Variants in ARMH3 observed in about 807,000 individuals in gnomAD.
The protein encoded by ARMH3 is armadillo-like helical domain-containing protein 3.
Under a neutral mutation model 99.1 loss-of-function variants are expected in ARMH3, and 60 were observed. The observed-to-expected ratio is 0.61, with a 90% CI of 0.49 to 0.75. ARMH3 has a LOEUF of 0.75. Among genes scored for constraint, ARMH3 ranks in the 30% least tolerant of loss-of-function variants. ARMH3 has a pLI of 0.00. For missense variants in ARMH3, 679 were observed against 843.1 expected (o/e 0.81, Z 2.41); for synonymous variants, 285 against 292.8 (o/e 0.97, Z 0.27).
Position 102,002,057 on chromosome 10 carries a change from T to G in ARMH3, c.1064A>C (p.Glu355Ala). The G allele has an allele frequency of 1.9e-6, 3 of 1,614,064 alleles. No individual in the cohort carries two copies. The highest frequency in any genetic ancestry group is 2.5e-6 in the Non-Finnish European group (3 of 1,180,004). ...PPSSDVISSV[E>A]LPLDADVQTS... Reference sequence around the variant, plus strand: ...CTGTACATCTGCATCCAGTGGGAGTTCCACAGAACTTATAACTGGAATAGA... The same window carrying G: ...CTGTACATCTGCATCCAGTGGGAGTGCCACAGAACTTATAACTGGAATAGA... Residue 355 changes from glutamate (E) to alanine (A), a missense_variant, in exon 15 of 26, where the codon GAA becomes GCA. Physicochemically the swap from Glu to Ala is moderately radical, Grantham distance 107. This residue lies in a region of ARMH3 where 389 missense variants were observed against 456.5 expected (regional missense o/e 0.85). Transcript: ENST00000370033.
intron 23 of ARMH3, among the ~76,000 whole-genome samples, chr10:101,903,338 T>C (rs538782527): frequency 6.6e-6 from 1 of 152,314 alleles, no homozygotes; most frequent in South Asian, 2.1e-4. Flanking sequence ...GTGCAGGCAC[T>C]ACGCTAGGCA....
chr10:101,973,371 A>G (rs1845855391), intron 20 of ARMH3, among the ~76,000 whole-genome samples: 1 of 151,998 alleles, frequency 6.6e-6, no homozygotes, highest in Non-Finnish European at 1.5e-5. Context: ...AAAAAAAAAA[A>G]AAAAAAAGAA....
chr10:101,983,666 A>G (rs956572111), intron 19 of ARMH3, among the ~76,000 whole-genome samples: 1 of 152,212 alleles, frequency 6.6e-6, no homozygotes, highest in Non-Finnish European at 1.5e-5. Context: ...AGGAAGGCGA[A>G]CAAGAATTCA....
intron 24 of ARMH3, among the ~76,000 whole-genome samples, chr10:101,866,921 C>T (rs1232753840): frequency 6.6e-6 from 1 of 151,940 alleles, no homozygotes; most frequent in Non-Finnish European, 1.5e-5. Context: ...CAAAAACAAA[C>T]AAACAAACAA....
chr10:101,853,393 G>A (rs929852861), intron 24 of ARMH3, among the ~76,000 whole-genome samples: 3 of 152,172 alleles, frequency 2.0e-5, no homozygotes, highest in African/African-American at 4.8e-5. Flanking sequence ...CCTGGCCTGG[G>A]ACTTTGCTTT....
intron 15 of ARMH3, among the ~76,000 whole-genome samples, chr10:101,997,854 T>C (rs899382191): frequency 6.6e-6 from 1 of 152,194 alleles, no homozygotes; most frequent in African/African-American, 2.4e-5. Context: ...AATATCCTCA[T>C]GGCGGTGGTG....
intron 24 of ARMH3, among the ~76,000 whole-genome samples, chr10:101,875,089 G>A (rs754508276): frequency 6.6e-6 from 1 of 152,176 alleles, no homozygotes; most frequent in Non-Finnish European, 1.5e-5. Context: ...GGAACATTAA[G>A]CCAGGGCAAC....
At chr10:101,853,677 G>C (rs1469967593) in intron 24 of ARMH3, among the ~76,000 whole-genome samples, 1 of 152,162 alleles carries the variant, frequency 6.6e-6, no homozygotes, top group African/African-American at 2.4e-5. Context: ...GGGCTTCCTA[G>C]AATCATGCCA....
At chr10:101,989,508 G>A (rs1357719757) in intron 19 of ARMH3, among the ~76,000 whole-genome samples, 1 of 152,112 alleles carries the variant, frequency 6.6e-6, no homozygotes, top group Non-Finnish European at 1.5e-5. Flanking sequence ...ATCACCTGAA[G>A]TCAGGAGTTA....
At chr10:101,880,078 T>C (rs1384659489) in intron 24 of ARMH3, among the ~76,000 whole-genome samples, 1 of 152,230 alleles carries the variant, frequency 6.6e-6, no homozygotes. Flanking sequence ...CCAGTGCCGG[T>C]GTCACATGCT....
chr10:102,000,858 G>T (rs945972861), intron 15 of ARMH3, among the ~76,000 whole-genome samples: 5 of 151,780 alleles, frequency 3.3e-5, no homozygotes, highest in African/African-American at 1.2e-4. Flanking sequence ...ACTCTGTCAT[G>T]CAAGCTGGGG....
chr10:101,969,428 T>C (rs1024633470), intron 20 of ARMH3, among the ~76,000 whole-genome samples: 2 of 152,254 alleles, frequency 1.3e-5, no homozygotes, highest in Non-Finnish European at 2.9e-5. Flanking sequence ...GATAAATCTA[T>C]GGCTTGAGTC....
chr10:102,046,697 G>A (rs1156401906), intron 1 of ARMH3, among the ~76,000 whole-genome samples: 1 of 152,174 alleles, frequency 6.6e-6, no homozygotes, highest in Non-Finnish European at 1.5e-5. Context: ...AGATAAGTGA[G>A]TGTAGGGACT....
chr10:102,022,470 C>T (rs1226768256), intron 8 of ARMH3, among the ~76,000 whole-genome samples: 1 of 118,544 alleles, frequency 8.4e-6, no homozygotes, highest in African/African-American at 3.2e-5. Context: ...CCAGCCTGGG[C>T]GACAGAGCGA....
In ARMH3 at chr10:101,889,403, G is replaced by C. The variant is rs2067631817; in HGVS notation, c.1860+9C>G. ...CCAACTAGGTCATCTGGGGAAAGTAGTGGCTTACCTGCTCCTCTGACAGTT... is the reference window on the plus strand; with the variant it reads ...CCAACTAGGTCATCTGGGGAAAGTACTGGCTTACCTGCTCCTCTGACAGTT... On this transcript the variant is annotated intron_variant, in intron 24 of 25. Coordinates refer to ENST00000370033, the MANE Select transcript of ARMH3 (RefSeq NM_024541.3). 6.2e-7 allele frequency: 1 copy of C among 1,609,436 alleles called. No individual in the cohort carries two copies.
intron 23 of ARMH3, among the ~76,000 whole-genome samples, chr10:101,917,645 C>T (rs767194285): frequency 6.6e-6 from 1 of 152,170 alleles, no homozygotes; most frequent in Non-Finnish European, 1.5e-5. Context: ...ATCTGCCTGA[C>T]TCTATTTATG....
At chr10:101,890,870 G>GT (rs1215108737) in intron 23 of ARMH3, among the ~76,000 whole-genome samples, 16 of 148,264 alleles carry the variant, frequency 1.1e-4, no homozygotes, top group African/African-American at 3.0e-4. Flanking sequence ...TACCTGACTG[G>GT]TATTTTTTTT....
intron 13 of ARMH3, among the ~76,000 whole-genome samples, chr10:102,008,844 C>T (rs1367876244): frequency 4.6e-5 from 7 of 152,082 alleles, no homozygotes; most frequent in South Asian, 4.1e-4. Context: ...GGATTACAGG[C>T]GTGAGCCACA....
Position 102,040,090 on chromosome 10 carries a change from C to T in ARMH3, c.25G>A (p.Gly9Ser). 6.2e-7 allele frequency: 1 copy of T among 1,614,158 alleles called. No homozygotes were observed. The highest frequency in any genetic ancestry group is 8.5e-7 in the Non-Finnish European group (1 of 1,180,000). The change falls in exon 2 of 26, where the codon GGT (glycine) becomes AGT (serine). Residue 9 changes from glycine to serine, a missense_variant. Gly to Ser is a moderately conservative substitution (Grantham distance 56). Coordinates refer to ENST00000370033, the MANE Select transcript of ARMH3 (RefSeq NM_024541.3). MAQVEKRGGLLRKSSASKK... is the reference protein window; with the variant it reads MAQVEKRGSLLRKSSASKK... ...GAGGCTGAAGATTTCCGGAGCAAAC[C>T]TCCACGTTTCTCTACCTGTGCCATG...
Sources: gnomAD v4.1 joint callset for allele counts (sites outside exome capture counted in the v4.1 genomes callset) on GRCh38, gnomAD v4.1.1 for gene constraint, gnomAD v4.1.1 regional missense constraint, MANE v1.5 for transcripts, NCBI Gene and HGNC (gene_info 2026-07-23, HGNC 2026-07-21) for gene names.